PARD3B: variants seen among roughly 807,000 people sequenced by gnomAD.
PARD3B encodes par-3 family cell polarity regulator beta, also known as partitioning defective 3 homolog B.
A neutral mutation model predicts 130.2 loss-of-function variants in PARD3B; 103 were observed. The observed-to-expected ratio is 0.79, with a 90% confidence interval of 0.67 to 0.93. PARD3B has a LOEUF of 0.93. PARD3B is among the 40% of genes least tolerant of loss of function. The pLI is 0.00. For missense variants in PARD3B, 1,609 were observed against 1,499.2 expected, an observed-to-expected ratio of 1.07 and a Z score of -1.21; for synonymous variants, 583 against 553.2, an observed-to-expected ratio of 1.05 and a Z score of -0.76.
At position 205,021,602 on chromosome 2, in the gene PARD3B, C is replaced by T. The variant is rs549991280; in HGVS notation, c.395-25979C>T. Among the ~76,000 whole-genome samples the T allele has an allele frequency of 2.1e-5, 3 of 140,654 alleles. No individual in the cohort carries two copies. Among genetic ancestry groups the T allele is most frequent in the Non-Finnish European group, 3.1e-5 (2 of 65,124 alleles). 92.3% of individuals were successfully genotyped at this position (140,654 alleles called of 152,430 possible). A position where few individuals can be genotyped will look rare whatever the true frequency, so the allele number is the denominator to read the frequency against. Reference sequence around the variant, plus strand: ...CTTCTCTCTCTCTTCTCTTCTCTCTCTCTCTCTCTCTCTCTCTCCCTCTCT... The same window carrying T: ...CTTCTCTCTCTCTTCTCTTCTCTCTTTCTCTCTCTCTCTCTCTCCCTCTCT... On this transcript the variant is annotated intron_variant, in intron 3 of 22. Coordinates refer to ENST00000406610, the MANE Select transcript of PARD3B (RefSeq NM_001302769.2). This position sits in a 1 kb window ranked among gnomAD's most constrained non-coding sequence, Gnocchi z 4.5.
rs145350147 is a variant in PARD3B at position 205,450,859 on chromosome 2, T to C, written c.3044+10187T>C. 3.3e-5 allele frequency among the ~76,000 whole-genome samples: 5 copies of C among 152,322 alleles called. No homozygotes were observed. The East Asian group carries it at 9.7e-4, about 29-fold the overall frequency. ...TTACACACTGAGCTACTTTGGCAAT[T>C]GTTTGTTACAAACCATAACTCATTA... On this transcript the variant is annotated intron_variant, in intron 20 of 22. Transcript: ENST00000406610.
At chr2:204,805,492 G>A (rs1336019517) in intron 2 of PARD3B, among the ~76,000 whole-genome samples, 1 of 151,930 alleles carries the variant, frequency 6.6e-6, no homozygotes, top group Non-Finnish European at 1.5e-5. Context: ...AACATTTAAG[G>A]AAGAATACCA....
intron 2 of PARD3B, among the ~76,000 whole-genome samples, chr2:204,694,062 T>C (rs533149188): frequency 3.9e-5 from 6 of 152,052 alleles, no homozygotes; most frequent in Non-Finnish European, 7.4e-5. Flanking sequence ...ATGAGAGTGA[T>C]AAATGATATC....
At chr2:204,832,212 C>T (rs1472657901) in intron 2 of PARD3B, among the ~76,000 whole-genome samples, 5 of 151,492 alleles carry the variant, frequency 3.3e-5, no homozygotes, top group African/African-American at 4.9e-5. Context: ...GGCGACTGAG[C>T]GAGACTCTGT....
At chr2:204,750,834 A>G (rs541768366) in intron 2 of PARD3B, among the ~76,000 whole-genome samples, 1 of 152,310 alleles carries the variant, frequency 6.6e-6, no homozygotes, top group African/African-American at 2.4e-5. Flanking sequence ...ATAATTTTAT[A>G]TAATATCTTC....
chr2:204,965,807 A>C (rs957088370), intron 3 of PARD3B, among the ~76,000 whole-genome samples: 10 of 152,220 alleles, frequency 6.6e-5, no homozygotes, highest in African/African-American at 2.2e-4. Flanking sequence ...AAGACAATTC[A>C]TCCAGTAATT....
chr2:205,491,943 C>A (rs1278911413), intron 20 of PARD3B, among the ~76,000 whole-genome samples: 2 of 152,118 alleles, frequency 1.3e-5, no homozygotes, highest in South Asian at 2.1e-4. Flanking sequence ...GGATTATAGT[C>A]TGAGCTGATG....
At chr2:205,054,444 T>A (rs868466410) in intron 4 of PARD3B, among the ~76,000 whole-genome samples, 1,529 of 60,396 alleles carry the variant, frequency 0.025, 6 homozygotes, top group Non-Finnish European at 0.038. Flanking sequence ...ATATTTTTTT[T>A]TTTTTTTTTT....
At chr2:204,711,891 A>G (rs1478479065) in intron 2 of PARD3B, among the ~76,000 whole-genome samples, 1 of 152,178 alleles carries the variant, frequency 6.6e-6, no homozygotes, top group Admixed American at 6.5e-5. Flanking sequence ...ACAAATGTGC[A>G]GAAAGGTGAA....
intron 19 of PARD3B, among the ~76,000 whole-genome samples, chr2:205,432,002 A>G (rs2047355271): frequency 6.6e-6 from 1 of 152,156 alleles, no homozygotes; most frequent in Non-Finnish European, 1.5e-5. Flanking sequence ...GAGAAAATAT[A>G]TCACTAATAT....
intron 15 of PARD3B, among the ~76,000 whole-genome samples, chr2:205,223,766 G>T (rs1242986766): frequency 6.6e-6 from 1 of 152,106 alleles, no homozygotes; most frequent in East Asian, 1.9e-4. Context: ...TTAGCTTAGT[G>T]TTCTTCCATT....
intron 18 of PARD3B, among the ~76,000 whole-genome samples, chr2:205,320,186 AG>A (rs2042701318): frequency 3.2e-5 from 4 of 123,276 alleles, no homozygotes; most frequent in Non-Finnish European, 6.6e-5. Context: ...AGAGAGAGAG[AG>A]AGAGAGGAAG....
At chr2:205,063,733 A>G (rs1700192442) in intron 4 of PARD3B, among the ~76,000 whole-genome samples, 1 of 152,338 alleles carries the variant, frequency 6.6e-6, no homozygotes, top group African/African-American at 2.4e-5. Context: ...GTTTAGTTGT[A>G]AAGCAAATAA....
chr2:205,315,227 T>G (rs377504491), intron 18 of PARD3B, among the ~76,000 whole-genome samples: 1 of 152,202 alleles, frequency 6.6e-6, no homozygotes, highest in African/African-American at 2.4e-5. Context: ...CAAATCCAGC[T>G]CTACTTCCTT....
chr2:205,551,595 G>A (rs1279627163), intron 21 of PARD3B, among the ~76,000 whole-genome samples: 1 of 151,952 alleles, frequency 6.6e-6, no homozygotes, highest in Non-Finnish European at 1.5e-5. Flanking sequence ...GGTTTTATAG[G>A]ACACACTCTA....
chr2:205,077,260 T>C (rs1351778773), intron 4 of PARD3B, among the ~76,000 whole-genome samples: 1 of 152,192 alleles, frequency 6.6e-6, no homozygotes, highest in African/African-American at 2.4e-5. Context: ...TGGCTTCCTT[T>C]AGAGCCTTGA....
chr2:205,339,805 A>C lies in PARD3B; in HGVS notation c.2630+38104A>C, dbSNP rs80345813. ...CGGGATGGTGACCAATTTTATATAGAGAATAACTGAAGAAACAAAACATTT... is the reference window on the plus strand; with the variant it reads ...CGGGATGGTGACCAATTTTATATAGCGAATAACTGAAGAAACAAAACATTT... On this transcript the variant is annotated intron_variant, in intron 18 of 22. Coordinates refer to ENST00000406610, the MANE Select transcript of PARD3B (RefSeq NM_001302769.2). Among the ~76,000 whole-genome samples the C allele has an allele frequency of 1.4e-3, 207 of 152,278 alleles. 1 individual carries two copies. In the East Asian group the frequency reaches 0.024, roughly 18 times the overall value.
At chr2:205,354,666 A>T (rs2044128691) in intron 18 of PARD3B, among the ~76,000 whole-genome samples, 1 of 152,096 alleles carries the variant, frequency 6.6e-6, no homozygotes, top group Non-Finnish European at 1.5e-5. Context: ...CTATCTTCTG[A>T]TGCTGTGAGA....
At chr2:205,049,925 G>A (rs1464409717) in intron 4 of PARD3B, among the ~76,000 whole-genome samples, 3 of 152,054 alleles carry the variant, frequency 2.0e-5, no homozygotes, top group Non-Finnish European at 4.4e-5. Context: ...AGGAGAGTCT[G>A]GTCCTTGCCC....
Sources: allele counts gnomAD v4.1 joint callset (sites outside exome capture counted in the v4.1 genomes callset), GRCh38; gene constraint gnomAD v4.1.1; non-coding constraint Gnocchi (gnomAD v3.1); transcripts MANE v1.5; gene names NCBI Gene and HGNC (gene_info 2026-07-23, HGNC 2026-07-21).